The following ARPP19 variants were observed in gnomAD, a reference collection of about 807,000 sequenced individuals.
ARPP19 encodes the protein cAMP-regulated phosphoprotein 19.
Under a neutral mutation model 12.0 loss-of-function variants are expected in ARPP19, and 8 were observed. That is an observed-to-expected ratio of 0.67 (90% CI 0.39 to 1.21). The LOEUF (loss-of-function observed/expected upper bound fraction) is 1.21, where lower values mean the gene tolerates loss of function less well. Among genes scored for constraint, ARPP19 ranks in the 50% most tolerant of loss-of-function variants. The pLI, the probability that ARPP19 is intolerant of heterozygous loss-of-function variation, is 0.01. For synonymous variants in ARPP19, 47 were observed against 50.4 expected (o/e 0.93, Z 0.29); for missense variants, 102 against 136.3 (o/e 0.75, Z 1.25).
At chr15:52,568,811 T>C (rs2078112108) in intron 1 of ARPP19, 37 bp downstream of exon 1, 8 of 1,514,462 alleles carry the variant, frequency 5.3e-6, no homozygotes, top group Non-Finnish European at 7.1e-6. Flanking sequence ...AGACCCGGCC[T>C]TGGGCAGGGC....
intron 1 of ARPP19, 83 bp downstream of exon 1, chr15:52,568,765 C>G: frequency 1.0e-6 from 1 of 973,278 alleles, no homozygotes; most frequent in Non-Finnish European, 1.5e-6. Flanking sequence ...GCATCTCGGG[C>G]GCGGCCCTCC....
At chr15:52,559,567 T>G (rs985414668) in intron 1 of ARPP19, among the ~76,000 whole-genome samples, 2 of 152,222 alleles carry the variant, frequency 1.3e-5, no homozygotes, top group African/African-American at 4.8e-5. Flanking sequence ...TAGAATTTTG[T>G]CAAGGGTGAT....
intron 1 of ARPP19, among the ~76,000 whole-genome samples, chr15:52,563,248 C>A (rs1034797943): frequency 6.6e-6 from 1 of 152,090 alleles, no homozygotes; most frequent in Non-Finnish European, 1.5e-5. Context: ...AATTTTACTA[C>A]ATTTTAAAAA....
chr15:52,555,722 T>A (rs1204408303), intron 2 of ARPP19, among the ~76,000 whole-genome samples: 2 of 152,060 alleles, frequency 1.3e-5, no homozygotes, highest in East Asian at 3.8e-4. Context: ...TAATTTTTAA[T>A]GTTTAAACAC....
intron 2 of ARPP19, among the ~76,000 whole-genome samples, chr15:52,553,839 C>T (rs1025337000): frequency 6.6e-6 from 1 of 152,242 alleles, no homozygotes; most frequent in Non-Finnish European, 1.5e-5. Context: ...TCATTGGCTG[C>T]TTTCCTCCAC....
At chr15:52,564,970 TGA>T (rs1325457517) in intron 1 of ARPP19, among the ~76,000 whole-genome samples, 1 of 151,960 alleles carries the variant, frequency 6.6e-6, no homozygotes, top group Non-Finnish European at 1.5e-5. Flanking sequence ...TTGAGTGCTG[TGA>T]GAGAACAGAT....
intron 1 of ARPP19, among the ~76,000 whole-genome samples, chr15:52,567,389 C>G (rs1346553028): frequency 6.6e-6 from 1 of 152,212 alleles, no homozygotes; most frequent in Non-Finnish European, 1.5e-5. Context: ...AACATACTAA[C>G]AGAACTTATC....
intron 1 of ARPP19, chr15:52,568,457 TG>T (rs2078106696): frequency 5.8e-6 from 1 of 171,906 alleles, no homozygotes; most frequent in African/African-American, 2.4e-5. Flanking sequence ...GCTTTTGGAG[TG>T]AACCGCACGC....
rs908385716 is a variant in ARPP19, at chr15:52,551,932, A to T, written c.*2T>A. ...GCAGATTCATGCAGTTCAGCCTCTT[A>T]ATCAGCCAGCCAGCTTGCTAGCAAC... is the stretch of plus-strand genomic sequence containing the variant. On this transcript the variant is annotated 3_prime_UTR_variant, in exon 3 of 3. Transcript: ENST00000249822. 7 of 1,609,900 alleles carry T rather than the reference A, an allele frequency of 4.3e-6. No homozygotes were observed. The South Asian group carries it at 6.6e-5, about 15-fold the overall frequency.
intron 1 of ARPP19, among the ~76,000 whole-genome samples, chr15:52,558,986 C>T (rs925229639): frequency 1.3e-5 from 2 of 152,076 alleles, no homozygotes; most frequent in Non-Finnish European, 2.9e-5. Context: ...TTATAATCAG[C>T]TTCATTCACT....
intron 2 of ARPP19, among the ~76,000 whole-genome samples, chr15:52,556,451 G>A (rs1474189404): frequency 6.6e-6 from 1 of 152,056 alleles, no homozygotes; most frequent in Non-Finnish European, 1.5e-5. Context: ...TATCTACCTC[G>A]CAAAACATGG....
rs569226018 is a variant in ARPP19, at chr15:52,552,201, A to G, written c.169-97T>C. 1.2e-5 allele frequency: 8 copies of G among 691,330 alleles called. No homozygotes were observed. In the African/African-American group the frequency reaches 1.4e-4, roughly 12 times the overall value. The allele number at this position is 691,330 out of a possible 1,614,324, so 42.8% of individuals were successfully genotyped here. On this transcript the variant is annotated intron_variant, in intron 2 of 2. Coordinates refer to ENST00000249822, the MANE Select transcript of ARPP19 (RefSeq NM_006628.6). ...ATACTGTCCGTATAAGGTTGGTCTA[A>G]AAGAATTTAAACAGGAATATTAATT...
chr15:52,566,301 G>A (rs2078081513), intron 1 of ARPP19, among the ~76,000 whole-genome samples: 1 of 152,086 alleles, frequency 6.6e-6, no homozygotes. Flanking sequence ...TGGGATTATA[G>A]GTGTGGGCCA....
At position 52,548,608 on chromosome 15, in the gene ARPP19, T is replaced by C. The variant is rs1216718730; in HGVS notation, c.*3326A>G. Reference sequence around the variant, plus strand: ...CTTTGTCCTGCTTATCCACACTGTATACTACCTGCCCCTTAGTCACTTAGT... The same window carrying C: ...CTTTGTCCTGCTTATCCACACTGTACACTACCTGCCCCTTAGTCACTTAGT... On this transcript the variant is annotated 3_prime_UTR_variant, in exon 3 of 3. Transcript: ENST00000249822. 6.6e-6 allele frequency: 1 copy of C among 152,508 alleles called. No homozygotes were observed. Among genetic ancestry groups the C allele is most frequent in the African/African-American group, 2.4e-5 (1 of 41,456 alleles). 9.4% of individuals were successfully genotyped at this position (152,508 alleles called of 1,614,324 possible).
intron 2 of ARPP19, among the ~76,000 whole-genome samples, chr15:52,555,540 C>G (rs569544025): frequency 6.6e-6 from 1 of 152,068 alleles, no homozygotes; most frequent in East Asian, 1.9e-4. Flanking sequence ...CATTTCTCTG[C>G]TGTTGAATAG....
At chr15:52,554,491 G>C (rs1244558856) in intron 2 of ARPP19, among the ~76,000 whole-genome samples, 1 of 152,102 alleles carries the variant, frequency 6.6e-6, no homozygotes, top group Non-Finnish European at 1.5e-5. Context: ...TAACAACGAT[G>C]ATGATATGTC....
intron 1 of ARPP19, among the ~76,000 whole-genome samples, chr15:52,563,688 G>A (rs2078055918): frequency 6.6e-6 from 1 of 152,140 alleles, no homozygotes; most frequent in African/African-American, 2.4e-5. Flanking sequence ...GGCAGAGGAG[G>A]GTTATACAGC....
chr15:52,554,494 GAT>G (rs1196924512), intron 2 of ARPP19, among the ~76,000 whole-genome samples: 1 of 152,078 alleles, frequency 6.6e-6, no homozygotes, highest in African/African-American at 2.4e-5. Flanking sequence ...CAACGATGAT[GAT>G]ATGTCTTTAA....
rs1301194527 is a variant in ARPP19, at chr15:52,548,255, G to C, written c.*3679C>G. ...TAATCCCAGCACTTTGGGAGGCCGAGGCGAGTGGATCACCTGAGGTCAGGA... is the reference window on the plus strand; with the variant it reads ...TAATCCCAGCACTTTGGGAGGCCGACGCGAGTGGATCACCTGAGGTCAGGA... On this transcript the variant is annotated 3_prime_UTR_variant, in exon 3 of 3. Transcript: ENST00000249822. The C allele has an allele frequency of 6.6e-6, 1 of 152,210 alleles. No individual in the cohort carries two copies. Among genetic ancestry groups the C allele is most frequent in the Non-Finnish European group, 1.5e-5 (1 of 68,046 alleles). The allele number at this position is 152,210 out of a possible 1,614,324, so 9.4% of individuals were successfully genotyped here. A position where few individuals can be genotyped will look rare whatever the true frequency, so the allele number is the denominator to read the frequency against.
Sources: gnomAD v4.1 joint callset for allele counts (sites outside exome capture counted in the v4.1 genomes callset) on GRCh38, gnomAD v4.1.1 for gene constraint, MANE v1.5 for transcripts, NCBI Gene and HGNC (gene_info 2026-07-23, HGNC 2026-07-21) for gene names.